The following MAX variants were observed in gnomAD, a reference collection of about 807,000 sequenced individuals.
MAX encodes the protein protein max.
MAX carries 3 observed loss-of-function variants against 22.3 expected under a neutral mutation model. The ratio of observed to expected loss-of-function variants is 0.13; its 90% CI spans 0.06 to 0.35. The LOEUF (loss-of-function observed/expected upper bound fraction) is 0.35, where lower values mean the gene tolerates loss of function less well. Ranked by LOEUF, MAX falls within the 10% of genes least tolerant of loss-of-function variation. The probability of loss-of-function intolerance (pLI) is 1.00; values close to 1 mark genes in which losing one functional copy is unlikely to be tolerated. For missense variants in MAX, 119 were observed against 209.4 expected (o/e 0.57, Z 2.66); for synonymous variants, 72 against 77.7 (o/e 0.93, Z 0.39).
At chr14:65,050,718 C>T (rs1421678971) in intron 3 of MAX, among the ~76,000 whole-genome samples, 1 of 152,194 alleles carries the variant, frequency 6.6e-6, no homozygotes, top group African/African-American at 2.4e-5. Context: ...ACAGCTCCTG[C>T]AGAGCAGGGC....
At chr14:65,072,365 A>AT (rs1169833120), downstream of MAX, among the ~76,000 whole-genome samples, 15 of 152,152 alleles carry the variant, frequency 9.9e-5, no homozygotes, top group African/African-American at 3.4e-4. Context: ...CCCCTAGAGC[A>AT]TTGGAGGCAT....
chr14:65,040,115 A>G (rs1475972853), intron 3 of MAX, among the ~76,000 whole-genome samples: 2 of 152,160 alleles, frequency 1.3e-5, no homozygotes, highest in African/African-American at 4.8e-5. Flanking sequence ...GCCTGAGTCC[A>G]GGAGGTTGAG....
chr14:65,072,665 C>T (rs1338661633), downstream of MAX, among the ~76,000 whole-genome samples: 1 of 152,198 alleles, frequency 6.6e-6, no homozygotes, highest in Non-Finnish European at 1.5e-5. Flanking sequence ...CAGCCCTGGG[C>T]ATGATCCAAG....
At chr14:65,068,380 A>G (rs569802574) in intron 3 of MAX, among the ~76,000 whole-genome samples, 1 of 152,300 alleles carries the variant, frequency 6.6e-6, no homozygotes, top group East Asian at 1.9e-4. Context: ...GGTTGCAGTG[A>G]GCTGAGATTG....
intron 2 of MAX, among the ~76,000 whole-genome samples, chr14:65,094,611 C>T (rs979063865): frequency 2.0e-5 from 3 of 152,222 alleles, no homozygotes; most frequent in African/African-American, 7.2e-5. Flanking sequence ...ATCTAAATAT[C>T]CAAGTCAAAG....
At chr14:65,060,695 C>A (rs2062843299) in intron 3 of MAX, among the ~76,000 whole-genome samples, 2 of 36,232 alleles carry the variant, frequency 5.5e-5, no homozygotes, top group Non-Finnish European at 4.3e-5. Flanking sequence ...GAGACTCCGT[C>A]TCAAAAAAAA....
chr14:65,024,230 T>C (rs7160037), intron 3 of MAX, among the ~76,000 whole-genome samples: 37,696 of 152,078 alleles, frequency 0.25, 4,878 homozygotes, highest in Non-Finnish European at 0.3. Context: ...TGGCTGAACA[T>C]TGGAATCACG....
chr14:65,099,543 C>A (rs1007914), intron 2 of MAX, among the ~76,000 whole-genome samples: 39,904 of 135,088 alleles, frequency 0.3, 6,151 homozygotes, highest in Non-Finnish European at 0.35. Flanking sequence ...AAAAAACAAA[C>A]AAACAAACAA....
In MAX at chr14:65,045,623, A is replaced by C. The variant is rs570937335; in HGVS notation, c.172-39339T>G. ...TAGAGACAGGGTTTCACCATGTTGGACAGGCTGTTCTTGAACTCCTTACCT... is the reference window on the plus strand; with the variant it reads ...TAGAGACAGGGTTTCACCATGTTGGCCAGGCTGTTCTTGAACTCCTTACCT... On this transcript the variant is annotated intron_variant, in intron 3 of 3. Coordinates refer to the MAX transcript ENST00000341653. 2.8e-3 allele frequency among the ~76,000 whole-genome samples: 425 copies of C among 152,160 alleles called. 1 individual carries two copies. The highest frequency in any genetic ancestry group is 4.7e-3 in the Non-Finnish European group (317 of 67,976).
intron 3 of MAX, among the ~76,000 whole-genome samples, chr14:65,026,182 T>C (rs561234052): frequency 2.4e-4 from 37 of 152,264 alleles, no homozygotes; most frequent in African/African-American, 8.2e-4. Context: ...AATGGAGGTT[T>C]CTCCTGGCGG....
rs2062882643 is a variant in MAX, at chr14:65,062,438, G to C, written c.171+31270C>G. The C allele has an allele frequency of 6.6e-6, 1 of 152,660 alleles. No homozygotes were observed. The highest frequency in any genetic ancestry group is 1.5e-5 in the Non-Finnish European group (1 of 68,068). The allele number at this position is 152,660 out of a possible 1,614,324, so 9.5% of individuals were successfully genotyped here. A position where few individuals can be genotyped will look rare whatever the true frequency, so the allele number is the denominator to read the frequency against. On this transcript the variant is annotated intron_variant, in intron 3 of 3. Transcript: ENST00000341653. The surrounding 1 kb of genome is among the most constrained non-coding windows in gnomAD (Gnocchi z 4.3). Reference sequence around the variant, plus strand: ...GTGCCTCTGCTGTGCTGCACATTGAGCCCTTTCTCAGTCAGTGGAGTATCA... The same window carrying C: ...GTGCCTCTGCTGTGCTGCACATTGACCCCTTTCTCAGTCAGTGGAGTATCA...
intron 3 of MAX, among the ~76,000 whole-genome samples, chr14:65,051,908 C>T (rs991111345): frequency 2.6e-5 from 4 of 151,788 alleles, no homozygotes. Context: ...CATTCTCCTG[C>T]CTCAGCCTCC....
At position 65,011,683 on chromosome 14, in the gene MAX, T is replaced by C. The variant is rs540184382; in HGVS notation, c.172-5399A>G. Among the ~76,000 whole-genome samples the C allele has an allele frequency of 6.6e-6, 1 of 152,190 alleles. No individual in the cohort carries two copies. Among genetic ancestry groups the C allele is most frequent in the Non-Finnish European group, 1.5e-5 (1 of 68,034 alleles). ...CTGTGCTTTGCCCGGCCTGTGCAGGTGGCCATGGGCGGCACATTCCATCTT... is the reference window on the plus strand; with the variant it reads ...CTGTGCTTTGCCCGGCCTGTGCAGGCGGCCATGGGCGGCACATTCCATCTT... On this transcript the variant is annotated intron_variant, in intron 3 of 3. Transcript: ENST00000341653. This position sits in a 1 kb window ranked among gnomAD's most constrained non-coding sequence, Gnocchi z 4.0.
rs74765386 is a variant in MAX, at chr14:65,095,698, C to T, written c.64-1883G>A. On this transcript the variant is annotated intron_variant, in intron 2 of 4. Transcript: ENST00000358664. ...GTTTATTTACATGCAAATTAATTGC[C>T]CATCTTTGGTCTCCAGAGCAGCCCA... 2.0e-4 allele frequency among the ~76,000 whole-genome samples: 31 copies of T among 152,286 alleles called. No homozygotes were observed. The East Asian group carries it at 6.0e-3, about 29-fold the overall frequency.
At chr14:65,050,740 G>T (rs1263287421) in intron 3 of MAX, among the ~76,000 whole-genome samples, 2 of 152,144 alleles carry the variant, frequency 1.3e-5, no homozygotes, top group African/African-American at 4.8e-5. Context: ...ACTCCACAGG[G>T]ATTGTGCTGA....
intron 3 of MAX, among the ~76,000 whole-genome samples, chr14:65,043,561 G>A (rs1343776196): frequency 1.3e-5 from 2 of 152,110 alleles, no homozygotes; most frequent in Non-Finnish European, 2.9e-5. Flanking sequence ...GGTGGCTCAC[G>A]CCTGTAATCC....
At chr14:65,063,880 G>A (rs996366491) in intron 3 of MAX, among the ~76,000 whole-genome samples, 3 of 152,148 alleles carry the variant, frequency 2.0e-5, no homozygotes, top group African/African-American at 7.2e-5. Flanking sequence ...TTTATTATGT[G>A]ACTCCTTGAG....
intron 3 of MAX, among the ~76,000 whole-genome samples, chr14:65,043,648 C>T (rs1296935273): frequency 6.6e-6 from 1 of 151,334 alleles, no homozygotes; most frequent in East Asian, 1.9e-4. Flanking sequence ...AGGTGAAACC[C>T]CGTCTCTACT....
rs2062106776 is a variant in MAX, at chr14:65,032,547, G to GT, written c.172-26264dup. On this transcript the variant is annotated intron_variant, in intron 3 of 3. Transcript: ENST00000341653. This position sits in a 1 kb window ranked among gnomAD's most constrained non-coding sequence, Gnocchi z 5.0. ...GCAAGGCGAGCAGTCCGCCCGCGGA[G>GT]TTCACTGAGCCTCATTAGCTCTTCC... 1.3e-6 allele frequency: 2 copies of GT among 1,588,854 alleles called. No individual in the cohort carries two copies. Among genetic ancestry groups the GT allele is most frequent in the African/African-American group, 2.7e-5 (2 of 74,126 alleles).
Sources: gnomAD v4.1 joint callset for allele counts (sites outside exome capture counted in the v4.1 genomes callset) on GRCh38, gnomAD v4.1.1 for gene constraint, Gnocchi (gnomAD v3.1) non-coding constraint, MANE v1.5 for transcripts, NCBI Gene and HGNC (gene_info 2026-07-23, HGNC 2026-07-21) for gene names.